Variants in FAF1 observed in about 807,000 individuals in gnomAD.
The protein encoded by FAF1 is Fas associated factor 1.
A neutral mutation model predicts 92.5 loss-of-function variants in FAF1; 25 were observed. That is an observed-to-expected ratio of 0.27 (90% CI 0.20 to 0.38). FAF1 has a LOEUF of 0.38. Ranked by LOEUF, FAF1 falls within the 10% of genes least tolerant of loss-of-function variation. FAF1 has a pLI of 1.00. For missense variants in FAF1, 636 were observed against 793.3 expected (o/e 0.80, Z 2.38); for synonymous variants, 234 against 273.2 (o/e 0.86, Z 1.42).
At chr1:50,789,753 C>T (rs1661498027) in intron 3 of FAF1, among the ~76,000 whole-genome samples, 1 of 152,166 alleles carries the variant, frequency 6.6e-6, no homozygotes, top group Non-Finnish European at 1.5e-5. Context: ...CTCTCCTTTA[C>T]TCTTCAGATA....
intron 4 of FAF1, among the ~76,000 whole-genome samples, chr1:50,760,027 A>G (rs1340645626): frequency 6.6e-6 from 1 of 151,992 alleles, no homozygotes; most frequent in Admixed American, 6.6e-5. Context: ...AATTTGTTTG[A>G]GTTCACTGTA....
At chr1:50,498,738 T>C in intron 15 of FAF1, among the ~76,000 whole-genome samples, 1 of 151,762 alleles carries the variant, frequency 6.6e-6, no homozygotes, top group Admixed American at 6.6e-5. Context: ...TAATCCCAGC[T>C]ACTCAGGAAG....
intron 5 of FAF1, among the ~76,000 whole-genome samples, chr1:50,739,357 CAT>C (rs895069354): frequency 8.6e-5 from 13 of 151,766 alleles, no homozygotes; most frequent in Non-Finnish European, 1.2e-4. Flanking sequence ...TACATGTGTA[CAT>C]GTGTACACGT....
At chr1:50,914,410 T>C (rs1390926517) in intron 1 of FAF1, among the ~76,000 whole-genome samples, 1 of 152,222 alleles carries the variant, frequency 6.6e-6, no homozygotes, top group Non-Finnish European at 1.5e-5. Flanking sequence ...AATTCTTAAT[T>C]CTTCTTCAAG....
intron 12 of FAF1, among the ~76,000 whole-genome samples, chr1:50,577,457 G>A (rs575604566): frequency 3.7e-4 from 56 of 152,290 alleles, no homozygotes; most frequent in African/African-American, 1.2e-3. Context: ...CTCAGGAGGC[G>A]GAGTTTGCAG....
At chr1:50,933,824 G>A (rs542758875) in intron 1 of FAF1, among the ~76,000 whole-genome samples, 2 of 152,292 alleles carry the variant, frequency 1.3e-5, no homozygotes, top group South Asian at 4.1e-4. Context: ...AATCATGACA[G>A]AAGTTTTACA....
At chr1:50,817,683 T>C (rs546173296) in intron 2 of FAF1, among the ~76,000 whole-genome samples, 19 of 152,154 alleles carry the variant, frequency 1.2e-4, no homozygotes, top group East Asian at 5.8e-4. Flanking sequence ...TTTTAAAAAA[T>C]TTAAACAGAA....
intron 8 of FAF1, among the ~76,000 whole-genome samples, chr1:50,598,146 A>G (rs1351359275): frequency 6.6e-6 from 1 of 152,112 alleles, no homozygotes; most frequent in Non-Finnish European, 1.5e-5. Context: ...TAAACAAAAG[A>G]TTAGCTGGGT....
At chr1:50,584,100 A>T (rs1346730473) in intron 10 of FAF1, among the ~76,000 whole-genome samples, 1 of 152,122 alleles carries the variant, frequency 6.6e-6, no homozygotes, top group East Asian at 1.9e-4. Flanking sequence ...TTAATTGGGA[A>T]AATAACCAAT....
chr1:50,480,561 T>C (rs1159076673), intron 17 of FAF1, among the ~76,000 whole-genome samples: 1 of 152,098 alleles, frequency 6.6e-6, no homozygotes, highest in African/African-American at 2.4e-5. Context: ...ACAAAATAGA[T>C]AAAAAATTCT....
chr1:50,487,983 C>T (rs954332017), intron 17 of FAF1, among the ~76,000 whole-genome samples: 2 of 152,062 alleles, frequency 1.3e-5, no homozygotes, highest in Non-Finnish European at 2.9e-5. Context: ...TTGTGATACA[C>T]TAGGGTGCCA....
intron 1 of FAF1, among the ~76,000 whole-genome samples, chr1:50,944,919 C>T (rs1476602212): frequency 6.6e-6 from 1 of 152,122 alleles, no homozygotes; most frequent in African/African-American, 2.4e-5. Flanking sequence ...GATCATTACT[C>T]AGGAGTGATC....
At chr1:50,927,542 A>C (rs74556469) in intron 1 of FAF1, among the ~76,000 whole-genome samples, 2,014 of 151,988 alleles carry the variant, frequency 0.013, 39 homozygotes, top group African/African-American at 0.047. Context: ...CCCTGTCTCC[A>C]AAAAAAATAA....
intron 18 of FAF1, among the ~76,000 whole-genome samples, chr1:50,465,074 C>A (rs1191296321): frequency 6.6e-6 from 1 of 152,200 alleles, no homozygotes; most frequent in African/African-American, 2.4e-5. Flanking sequence ...CATGTTAATT[C>A]ATCTTTCCAG....
Position 50,441,426 on chromosome 1 carries a change from C to G in FAF1, c.*14G>C, listed in dbSNP as rs533521926. ...GCTTGTCAAGGAATGGCTGGTTCCA[C>G]CGCTGGGCCGTGTTTACTCTTTTGC... On this transcript the variant is annotated 3_prime_UTR_variant, in exon 19 of 19. Transcript: ENST00000396153. 5 of 1,501,678 alleles carry G rather than the reference C, an allele frequency of 3.3e-6. No homozygotes were observed. Among genetic ancestry groups the G allele is most frequent in the South Asian group, 1.3e-5 (1 of 79,366 alleles). 93.0% of individuals were successfully genotyped at this position (1,501,678 alleles called of 1,614,324 possible). A position where few individuals can be genotyped will look rare whatever the true frequency, so the allele number is the denominator to read the frequency against.
At chr1:50,493,415 CAACT>C (rs1385839034) in intron 15 of FAF1, among the ~76,000 whole-genome samples, 1 of 152,084 alleles carries the variant, frequency 6.6e-6, no homozygotes, top group African/African-American at 2.4e-5. Flanking sequence ...TGTAATCAAC[CAACT>C]ATGAGAGTAA....
intron 8 of FAF1, among the ~76,000 whole-genome samples, chr1:50,649,745 A>G (rs374124922): frequency 1.3e-5 from 2 of 149,194 alleles, no homozygotes; most frequent in South Asian, 4.3e-4. Context: ...GTTCAAGACC[A>G]GCCTGGCCAA....
chr1:50,854,853 A>C (rs1256657961), intron 2 of FAF1, among the ~76,000 whole-genome samples: 1 of 151,844 alleles, frequency 6.6e-6, no homozygotes, highest in Non-Finnish European at 1.5e-5. Context: ...CAAAATCCAA[A>C]GTGCTCCAAA....
At chr1:50,498,158 G>A (rs1456514990) in intron 15 of FAF1, among the ~76,000 whole-genome samples, 2 of 151,994 alleles carry the variant, frequency 1.3e-5, no homozygotes, top group African/African-American at 4.8e-5. Flanking sequence ...ATTCAATGAG[G>A]AAAGAACAGT....
Sources: allele counts gnomAD v4.1 joint callset (sites outside exome capture counted in the v4.1 genomes callset), GRCh38; gene constraint gnomAD v4.1.1; transcripts MANE v1.5; gene names NCBI Gene and HGNC (gene_info 2026-07-23, HGNC 2026-07-21).